The following NVL variants were observed in gnomAD, a reference collection of about 807,000 sequenced individuals.
The protein encoded by NVL is nuclear valosin-containing protein-like.
Under a neutral mutation model 110.2 loss-of-function variants are expected in NVL, and 84 were observed. The observed-to-expected ratio is 0.76, with a 90% CI of 0.64 to 0.91. The LOEUF is 0.91. Ranked by LOEUF, NVL falls within the 40% of genes least tolerant of loss-of-function variation. The pLI is 0.00. For missense variants in NVL, 882 were observed against 1,035.9 expected, an observed-to-expected ratio of 0.85 and a Z score of 2.04; for synonymous variants, 354 against 361.1, an observed-to-expected ratio of 0.98 and a Z score of 0.22.
At position 224,231,334 on chromosome 1, in the gene NVL, C is replaced by T. The variant is rs147533561; in HGVS notation, c.2456-38G>A. 5.4e-4 allele frequency: 816 copies of T among 1,513,166 alleles called. 1 individual carries two copies. In the African/African-American group the frequency reaches 8.2e-3, roughly 15 times the overall value. 93.7% of individuals were successfully genotyped at this position (1,513,166 alleles called of 1,614,324 possible). ...TGCACAAATATACACATCTCAGTAT[C>T]GTATGGTAACTGACTTAGAACTTAA... On this transcript the variant is annotated intron_variant, in intron 21 of 22. Transcript: ENST00000281701.
intron 18 of NVL, among the ~76,000 whole-genome samples, chr1:224,251,799 T>G (rs558674454): frequency 6.6e-6 from 1 of 152,086 alleles, no homozygotes; most frequent in South Asian, 2.1e-4. Flanking sequence ...GGCAGGTTTC[T>G]CCCTTCCCTC....
intron 18 of NVL, among the ~76,000 whole-genome samples, chr1:224,259,517 G>A (rs1225379777): frequency 6.6e-6 from 1 of 152,200 alleles, no homozygotes; most frequent in East Asian, 1.9e-4. Context: ...TCTCAGTAAA[G>A]CTTTTTAAAA....
intron 11 of NVL, among the ~76,000 whole-genome samples, chr1:224,295,298 T>C (rs1667768911): frequency 6.6e-6 from 1 of 152,076 alleles, no homozygotes; most frequent in South Asian, 2.1e-4. Flanking sequence ...GTTCATGCCA[T>C]TCTCCTGCCT....
chr1:224,260,954 C>T (rs1018637686), intron 18 of NVL, among the ~76,000 whole-genome samples: 1 of 152,076 alleles, frequency 6.6e-6, no homozygotes, highest in Admixed American at 6.6e-5. Context: ...CGGCTCACTG[C>T]AACCTCTGCC....
At chr1:224,308,921 C>T (rs1362891998) in intron 5 of NVL, among the ~76,000 whole-genome samples, 2 of 151,434 alleles carry the variant, frequency 1.3e-5, no homozygotes, top group African/African-American at 2.4e-5. Context: ...ATTAGCCAGG[C>T]GTGATGGCGG....
rs533482703 is a variant in NVL, at chr1:224,292,847, T to C, written c.1325+1420A>G. 2.0e-5 allele frequency among the ~76,000 whole-genome samples: 3 copies of C among 151,740 alleles called. No individual in the cohort carries two copies. In the East Asian group the frequency reaches 5.8e-4, roughly 29 times the overall value. ...CTCACTACAACCTCCACTTCCCAGG[T>C]TCAAGCGATTCCCCTACCTCAGTTT... On this transcript the variant is annotated intron_variant, in intron 12 of 22. Coordinates refer to ENST00000281701, the MANE Select transcript of NVL (RefSeq NM_002533.4).
intron 6 of NVL, among the ~76,000 whole-genome samples, chr1:224,307,698 CAAAAAAAAAA>C (rs11366790): frequency 3.0e-5 from 2 of 67,490 alleles, no homozygotes; most frequent in African/African-American, 5.1e-5. Flanking sequence ...GACCCAGTCT[CAAAAAAAAAA>C]AAAAAAAAAA....
intron 9 of NVL, 55 bp downstream of exon 9, chr1:224,303,668 A>T: frequency 6.3e-7 from 1 of 1,575,286 alleles, no homozygotes; most frequent in Non-Finnish European, 8.6e-7. Flanking sequence ...GAAAAAACAA[A>T]AACAAATAAT....
rs1664620140 is a variant in NVL at position 224,267,630 on chromosome 1, T to G, written c.2182+404A>C. ...TGAACTCAGGAGGCAGAGGTTGCAG[T>G]GAGCCAAGGTCATGCCACTGCATGC... On this transcript the variant is annotated intron_variant, in intron 18 of 22. Transcript: ENST00000281701. 3.4e-5 allele frequency among the ~76,000 whole-genome samples: 5 copies of G among 146,554 alleles called. No homozygotes were observed. In the South Asian group the frequency reaches 1.1e-3, roughly 31 times the overall value.
At chr1:224,320,601 C>T (rs908843643) in intron 2 of NVL, among the ~76,000 whole-genome samples, 3 of 151,406 alleles carry the variant, frequency 2.0e-5, no homozygotes. Context: ...GGGCAGACAT[C>T]ACACCACCAC....
chr1:224,304,863 CATAATT>C (rs1399736610), intron 7 of NVL, 51 bp from the exon 8 acceptor site: 1 of 1,514,218 alleles, frequency 6.6e-7, no homozygotes, highest in South Asian at 1.1e-5. Flanking sequence ...AGTAGTAACT[CATAATT>C]ATAATGAATA....
chr1:224,247,055 C>CAAA (rs57687356), intron 19 of NVL, among the ~76,000 whole-genome samples: 3 of 93,566 alleles, frequency 3.2e-5, no homozygotes, highest in Non-Finnish European at 4.4e-5. Flanking sequence ...CATACTGTGT[C>CAAA]AAAAAAAAAA....
chr1:224,289,342 G>T, intron 13 of NVL, 142 bp downstream of exon 13: 1 of 662,246 alleles, frequency 1.5e-6, no homozygotes, highest in Non-Finnish European at 2.4e-6. Context: ...TAAACATCGT[G>T]GGTATAAATG....
intron 21 of NVL, among the ~76,000 whole-genome samples, chr1:224,231,606 T>G (rs1232011154): frequency 6.6e-6 from 1 of 152,136 alleles, no homozygotes; most frequent in African/African-American, 2.4e-5. Context: ...TTCAAATAAA[T>G]GTAACTGGAA....
intron 17 of NVL, among the ~76,000 whole-genome samples, chr1:224,273,052 C>CA (rs1416218877): frequency 2.1e-5 from 3 of 141,172 alleles, no homozygotes; most frequent in Admixed American, 7.0e-5. Flanking sequence ...ACAAAAAAAA[C>CA]AAACAAACAA....
At chr1:224,312,038 A>G in intron 4 of NVL, 181 bp from the exon 5 acceptor site, 1 of 533,212 alleles carries the variant, frequency 1.9e-6, no homozygotes, top group Non-Finnish European at 3.3e-6. Flanking sequence ...AACCTCTCTA[A>G]GCGTCAGCTT....
At chr1:224,243,286 C>T (rs1424941488) in intron 19 of NVL, among the ~76,000 whole-genome samples, 1 of 150,764 alleles carries the variant, frequency 6.6e-6, no homozygotes, top group Non-Finnish European at 1.5e-5. Flanking sequence ...ATGGTGAAAC[C>T]CTGTTTCTAC....
Position 224,304,784 on chromosome 1 carries a change from G to A in NVL, c.777C>T (p.Ile259=), listed in dbSNP as rs1668759157. The A allele has an allele frequency of 6.2e-7, 1 of 1,613,936 alleles. No individual in the cohort carries two copies. The highest frequency in any genetic ancestry group is 1.3e-5 in the African/African-American group (1 of 74,908). Residue 259 remains isoleucine (I), a synonymous_variant, in exon 8 of 23, where the codon ATC becomes ATT. Transcript: ENST00000281701. ...KAKARGLEFQ[I]SNVKFEDVGG... is the part of the protein sequence containing the mutation. Reference sequence around the variant, plus strand: ...CCACATCTTCAAACTTCACGTTGGAGATCTGGAATTCTAACCCCCTGGCTT... The same window carrying A: ...CCACATCTTCAAACTTCACGTTGGAAATCTGGAATTCTAACCCCCTGGCTT...
intron 19 of NVL, among the ~76,000 whole-genome samples, chr1:224,245,831 T>G (rs900405589): frequency 1.3e-5 from 2 of 151,478 alleles, no homozygotes; most frequent in Non-Finnish European, 2.9e-5. Flanking sequence ...CACGTGCCTG[T>G]AATCCCAGCT....
Sources: gnomAD v4.1 joint callset for allele counts (sites outside exome capture counted in the v4.1 genomes callset) on GRCh38, gnomAD v4.1.1 for gene constraint, MANE v1.5 for transcripts, NCBI Gene and HGNC (gene_info 2026-07-23, HGNC 2026-07-21) for gene names.